TRAF5: variants seen among roughly 807,000 people sequenced by gnomAD.
TRAF5 encodes TNF receptor associated factor 5.
In TRAF5, 48 loss-of-function variants were observed where a neutral mutation model predicts 64.5. That is an observed-to-expected ratio of 0.74 (90% CI 0.59 to 0.95). TRAF5 has a LOEUF of 0.95. Ranked by LOEUF, TRAF5 falls within the 40% of genes least tolerant of loss-of-function variation. TRAF5 has a pLI of 0.00. For missense variants in TRAF5, 545 were observed against 662.8 expected, an observed-to-expected ratio of 0.82 and a Z score of 1.95; for synonymous variants, 206 against 240.5, an observed-to-expected ratio of 0.86 and a Z score of 1.33.
At chr1:211,346,396 G>C in intron 1 of TRAF5, 1 of 985,412 alleles carries the variant, frequency 1.0e-6, no homozygotes, top group Non-Finnish European at 1.2e-6. Context: ...TGGGCTGTGG[G>C]GTGTCCTGCT....
intron 1 of TRAF5, among the ~76,000 whole-genome samples, chr1:211,351,555 T>A (rs1412142174): frequency 6.6e-6 from 1 of 152,094 alleles, no homozygotes; most frequent in East Asian, 1.9e-4. Context: ...CAAGATCATC[T>A]AGATTTTATC....
chr1:211,371,501 G>C, intron 10 of TRAF5, 31 bp downstream of exon 10: 4 of 1,595,054 alleles, frequency 2.5e-6, no homozygotes, highest in Admixed American at 1.8e-5. Flanking sequence ...CTCTTTTGGT[G>C]ACTCATTTGT....
intron 7 of TRAF5, 39 bp downstream of exon 7, chr1:211,361,201 T>C (rs1038640496): frequency 1.3e-6 from 2 of 1,575,944 alleles, no homozygotes; most frequent in Non-Finnish European, 1.7e-6. Context: ...TACATTCTAC[T>C]GTATAATTCA....
In TRAF5 at chr1:211,365,444, A is replaced by G. The variant is rs769361998; in HGVS notation, c.765A>G (p.Glu255=). 6.2e-7 allele frequency: 1 copy of G among 1,613,610 alleles called. No homozygotes were observed. The highest frequency in any genetic ancestry group is 1.1e-5 in the South Asian group (1 of 90,988). Residue 255 remains glutamate, a synonymous_variant, in exon 8 of 11, where the codon GAA becomes GAG. Transcript: ENST00000261464. Reference sequence around the variant, plus strand: ...GGGAGCACATGCGTTTGGTTTTAGAAAAGAATGTCCAATTAGAAGAACAGG... The same window carrying G: ...GGGAGCACATGCGTTTGGTTTTAGAGAAGAATGTCCAATTAGAAGAACAGG... ...ALREHMRLVL[E]KNVQLEEQIS...
At chr1:211,326,747 C>T (rs1702021648), upstream of TRAF5, 1 of 985,592 alleles carries the variant, frequency 1.0e-6, no homozygotes, top group African/African-American at 1.7e-5. This position sits in a 1 kb window ranked among gnomAD's most constrained non-coding sequence, Gnocchi z 5.0. Flanking sequence ...TCCGCTCTTC[C>T]CCTGCGCCCG....
chr1:211,370,411 A>ACACC (rs1491289799), intron 9 of TRAF5, among the ~76,000 whole-genome samples: 2 of 136,186 alleles, frequency 1.5e-5, no homozygotes, highest in East Asian at 4.5e-4. Flanking sequence ...ACACACACAC[A>ACACC]CCCTTCATAT....
intron 7 of TRAF5, 32 bp from the exon 8 acceptor site, chr1:211,365,344 C>T (rs772575401): frequency 1.3e-6 from 2 of 1,586,378 alleles, no homozygotes; most frequent in African/African-American, 2.7e-5. Flanking sequence ...AGCCTCTCAG[C>T]AACCTGACTT....
rs539356380 is a variant in TRAF5 at position 211,360,144 on chromosome 1, C to T, written c.543+68C>T. 3.9e-5 allele frequency: 57 copies of T among 1,467,488 alleles called. No homozygotes were observed. The African/African-American group carries it at 6.8e-4, about 18-fold the overall frequency. The allele number at this position is 1,467,488 out of a possible 1,614,324, so 90.9% of individuals were successfully genotyped here. A position where few individuals can be genotyped will look rare whatever the true frequency, so the allele number is the denominator to read the frequency against. ...TTATGCCTGAGTGGTCACAGTGAAT[C>T]AGGTGGAATGCCAGAAGAACATTCC... is the stretch of plus-strand genomic sequence containing the variant. On this transcript the variant is annotated intron_variant, in intron 5 of 10. Coordinates refer to ENST00000261464, the MANE Select transcript of TRAF5 (RefSeq NM_001033910.3).
At position 211,373,483 on chromosome 1, in the gene TRAF5, C is replaced by A. The variant is rs1703601689; in HGVS notation, c.*781C>A. On this transcript the variant is annotated 3_prime_UTR_variant, in exon 11 of 11. Coordinates refer to ENST00000261464, the MANE Select transcript of TRAF5 (RefSeq NM_001033910.3). ...AAAAAATTAGCAGTTTCATAAGATT[C>A]AACCAAATAAATATATATATACACA... The A allele has an allele frequency of 6.6e-6, 1 of 152,118 alleles. No individual in the cohort carries two copies. 9.4% of individuals were successfully genotyped at this position (152,118 alleles called of 1,614,324 possible).
intron 2 of TRAF5, 141 bp downstream of exon 2, chr1:211,353,598 A>AGGGGATCTGGGAGAG: frequency 1.3e-6 from 1 of 787,920 alleles, no homozygotes; most frequent in Non-Finnish European, 2.0e-6. Context: ...ACTCTCCCAG[A>AGGGGATCTGGGAGAG]TCCCCTCTGT....
rs1177783041 is a variant in TRAF5 at position 211,371,441 on chromosome 1, C to T, written c.1070C>T (p.Thr357Ile). ...EAVDTVKQKI[T>I]LLENNDQRLA... Reference sequence around the variant, plus strand: ...GTTGATACAGTGAAACAGAAAATTACCCTGCTAGAAAACAATGATCAAAGA... The same window carrying T: ...GTTGATACAGTGAAACAGAAAATTATCCTGCTAGAAAACAATGATCAAAGA... The change falls in exon 10 of 11, where the codon ACC (threonine) becomes ATC (isoleucine). Residue 357 changes from threonine to isoleucine, a missense_variant. Transcript: ENST00000261464. The T allele has an allele frequency of 2.5e-6, 4 of 1,606,408 alleles. No individual in the cohort carries two copies. The highest frequency in any genetic ancestry group is 3.4e-6 in the Non-Finnish European group (4 of 1,178,420).
Position 211,361,689 on chromosome 1 carries a change from CG to C in TRAF5, c.696+530del, listed in dbSNP as rs1246218152. On this transcript the variant is annotated intron_variant, in intron 7 of 10. Coordinates refer to ENST00000261464, the MANE Select transcript of TRAF5 (RefSeq NM_001033910.3). ...AAAATTAACCATCACAATAATTATT[CG>C]GGTTTTTTTTTTTTTTTTTTTTTTT... Among the ~76,000 whole-genome samples the C allele has an allele frequency of 2.3e-5, 3 of 127,928 alleles. No homozygotes were observed. In the Admixed American group the frequency reaches 2.8e-4, roughly 12 times the overall value. 83.9% of individuals were successfully genotyped at this position (127,928 alleles called of 152,430 possible).
rs1203653864 is a variant in TRAF5 at position 211,374,872 on chromosome 1, TTCATCA to T, written c.*2173_*2178del. ...GGTTTGCTTAGGAGTTCAGAGTTCC[TTCATCA>T]TCGAAATAGTGATTAAGTGATCCCA... is the stretch of plus-strand genomic sequence containing the variant. On this transcript the variant is annotated 3_prime_UTR_variant, in exon 11 of 11. Coordinates refer to ENST00000261464, the MANE Select transcript of TRAF5 (RefSeq NM_001033910.3). 6.6e-6 allele frequency: 1 copy of T among 152,202 alleles called. No individual in the cohort carries two copies. Among genetic ancestry groups the T allele is most frequent in the African/African-American group, 2.4e-5 (1 of 41,448 alleles). 9.4% of individuals were successfully genotyped at this position (152,202 alleles called of 1,614,324 possible).
chr1:211,347,413 C>A (rs1380429543), intron 1 of TRAF5, among the ~76,000 whole-genome samples: 1 of 152,160 alleles, frequency 6.6e-6, no homozygotes, highest in East Asian at 1.9e-4. Flanking sequence ...TATACTAGAA[C>A]CTCACCCAGA....
chr1:211,357,793 TTGC>T (rs1461293299), intron 4 of TRAF5: 1 of 152,198 alleles, frequency 6.6e-6, no homozygotes, highest in Non-Finnish European at 1.5e-5. Flanking sequence ...AAAAAACTGT[TTGC>T]TTTTTCTTCT....
At chr1:211,327,841 G>GCAGCCCCCA (rs1300121064) in intron 1 of TRAF5, among the ~76,000 whole-genome samples, 1 of 152,254 alleles carries the variant, frequency 6.6e-6, no homozygotes, top group Non-Finnish European at 1.5e-5. Flanking sequence ...GGCTGCCCCT[G>GCAGCCCCCA]CAGCCCCCAC....
intron 1 of TRAF5, among the ~76,000 whole-genome samples, chr1:211,349,195 G>A (rs1204205114): frequency 1.3e-5 from 2 of 152,158 alleles, no homozygotes; most frequent in Non-Finnish European, 2.9e-5. Context: ...GCTACAGAGT[G>A]AGACCCTGTC....
chr1:211,352,467 T>G (rs565889979), intron 1 of TRAF5, among the ~76,000 whole-genome samples: 90 of 150,086 alleles, frequency 6.0e-4, no homozygotes, highest in African/African-American at 1.6e-3. Context: ...AAAAAGTTTT[T>G]TTTTTTTTTT....
intron 1 of TRAF5, among the ~76,000 whole-genome samples, chr1:211,344,745 T>C (rs1167605759): frequency 6.6e-6 from 1 of 152,134 alleles, no homozygotes; most frequent in East Asian, 1.9e-4. Flanking sequence ...TTCTCCTCCT[T>C]CGTTTTCCTT....
Sources: allele counts gnomAD v4.1 joint callset (sites outside exome capture counted in the v4.1 genomes callset), GRCh38; gene constraint gnomAD v4.1.1; non-coding constraint Gnocchi (gnomAD v3.1); transcripts MANE v1.5; gene names NCBI Gene and HGNC (gene_info 2026-07-23, HGNC 2026-07-21).